ADCY2: variants seen among roughly 807,000 people sequenced by gnomAD.
The protein encoded by ADCY2 is adenylate cyclase type 2.
A neutral mutation model predicts 125.2 loss-of-function variants in ADCY2; 31 were observed. The ratio of observed to expected loss-of-function variants is 0.25; its 90% confidence interval spans 0.19 to 0.33. The LOEUF (loss-of-function observed/expected upper bound fraction) is 0.33. Ranked by LOEUF, ADCY2 falls within the 10% of genes least tolerant of loss-of-function variation. The pLI is 1.00. For missense variants in ADCY2, 904 were observed against 1,418.2 expected, an observed-to-expected ratio of 0.64 and a Z score of 5.82; for synonymous variants, 512 against 548.4, an observed-to-expected ratio of 0.93 and a Z score of 0.93.
chr5:7,470,448 G>A (rs1007211060), intron 2 of ADCY2, among the ~76,000 whole-genome samples: 1 of 150,258 alleles, frequency 6.7e-6, no homozygotes, highest in African/African-American at 2.4e-5. Context: ...TGTAGTGAAA[G>A]CACAAAGTAT....
At chr5:7,638,121 C>A (rs2914294) in intron 4 of ADCY2, among the ~76,000 whole-genome samples, 148,551 of 152,296 alleles carry the variant, frequency 0.98, 72,524 homozygotes, top group Non-Finnish European at 1. Context: ...GACTGAGCAG[C>A]TTCAAGGTGA....
chr5:7,746,768 TC>T (rs1281649276), intron 15 of ADCY2, among the ~76,000 whole-genome samples: 1 of 152,232 alleles, frequency 6.6e-6, no homozygotes, highest in Non-Finnish European at 1.5e-5. Flanking sequence ...ATACCAGCTT[TC>T]AGTTCTCCGT....
intron 1 of ADCY2, among the ~76,000 whole-genome samples, chr5:7,400,604 G>T (rs775250255): frequency 6.6e-6 from 1 of 152,194 alleles, no homozygotes; most frequent in Non-Finnish European, 1.5e-5. Context: ...GTTGAAGGAT[G>T]GGAGGGCAGA....
chr5:7,539,370 A>G (rs554717061), intron 3 of ADCY2, among the ~76,000 whole-genome samples: 1 of 151,184 alleles, frequency 6.6e-6, no homozygotes, highest in East Asian at 2.0e-4. Flanking sequence ...AAAAAAAAAT[A>G]AAACCTCATG....
At chr5:7,497,559 A>G (rs980486974) in intron 2 of ADCY2, among the ~76,000 whole-genome samples, 2 of 152,170 alleles carry the variant, frequency 1.3e-5, no homozygotes, top group East Asian at 1.9e-4. Flanking sequence ...AATTGCATCA[A>G]TAAGGAGAGC....
intron 3 of ADCY2, among the ~76,000 whole-genome samples, chr5:7,534,029 C>T (rs1031817402): frequency 6.6e-6 from 1 of 152,146 alleles, no homozygotes; most frequent in African/African-American, 2.4e-5. Context: ...TTGATAATGT[C>T]ATTTTCTCTG....
intron 4 of ADCY2, among the ~76,000 whole-genome samples, chr5:7,650,735 A>G (rs1739059945): frequency 6.6e-6 from 1 of 152,226 alleles, no homozygotes; most frequent in African/African-American, 2.4e-5. Context: ...AAAAATTTCA[A>G]TTCTTTTGAG....
intron 3 of ADCY2, among the ~76,000 whole-genome samples, chr5:7,558,301 C>T (rs1735600698): frequency 6.6e-6 from 1 of 152,080 alleles, no homozygotes; most frequent in South Asian, 2.1e-4. Context: ...AGTCCACCTG[C>T]CTCATTCTCC....
intron 4 of ADCY2, among the ~76,000 whole-genome samples, chr5:7,626,976 C>T (rs1404748863): frequency 2.6e-5 from 4 of 152,212 alleles, no homozygotes. Context: ...GATACGCCAA[C>T]CATCATCAAC....
intron 4 of ADCY2, among the ~76,000 whole-genome samples, chr5:7,674,017 A>C (rs1740029206): frequency 6.6e-6 from 1 of 152,054 alleles, no homozygotes; most frequent in South Asian, 2.1e-4. Flanking sequence ...GGAGGAGGAA[A>C]GGCTGTTCCC....
rs570599538 is a variant in ADCY2 at position 7,816,537 on chromosome 5, G to C, written c.2884-329G>C. Among the ~76,000 whole-genome samples, 496 of 152,352 alleles carry C rather than the reference G, an allele frequency of 3.3e-3. 1 individual carries two copies. The highest frequency in any genetic ancestry group is 5.4e-3 in the Non-Finnish European group (369 of 68,038). Reference sequence around the variant, plus strand: ...TGGAGGGGAAAGGAGGGAAGAAGGCGCCAGCCCCTCCTCAAAGCCAGCTTC... The same window carrying C: ...TGGAGGGGAAAGGAGGGAAGAAGGCCCCAGCCCCTCCTCAAAGCCAGCTTC... On this transcript the variant is annotated intron_variant, in intron 22 of 24. Transcript: ENST00000338316.
intron 4 of ADCY2, among the ~76,000 whole-genome samples, chr5:7,675,932 T>C (rs1740112464): frequency 1.3e-5 from 2 of 152,240 alleles, no homozygotes; most frequent in Non-Finnish European, 2.9e-5. Context: ...GTGTATAGTT[T>C]TCCCGATAAA....
At chr5:7,781,900 T>C (rs1349138251) in intron 18 of ADCY2, among the ~76,000 whole-genome samples, 5 of 152,038 alleles carry the variant, frequency 3.3e-5, no homozygotes, top group Admixed American at 6.6e-5. Context: ...ACTGAAACCA[T>C]AGGGGCCCTA....
intron 12 of ADCY2, among the ~76,000 whole-genome samples, chr5:7,724,114 CAAAA>C (rs1272949604): frequency 3.9e-5 from 3 of 76,560 alleles, no homozygotes; most frequent in African/African-American, 1.1e-4. Context: ...TAGAAGCTAA[CAAAA>C]AAAAAAAAAA....
chr5:7,566,621 A>G (rs557811955), intron 3 of ADCY2, among the ~76,000 whole-genome samples: 44 of 152,242 alleles, frequency 2.9e-4, no homozygotes, highest in Admixed American at 7.2e-4. Context: ...CACTTTGTAG[A>G]TGTCAACTTC....
chr5:7,538,178 C>T lies in ADCY2; in HGVS notation c.570+17279C>T, dbSNP rs575241716. On this transcript the variant is annotated intron_variant, in intron 3 of 24. Coordinates refer to ENST00000338316, the MANE Select transcript of ADCY2 (RefSeq NM_020546.3). ...CATAATATAAAATATTTTTTGTTGACTCTCCCAGAATAAAAATACATGTTT... is the reference window on the plus strand; with the variant it reads ...CATAATATAAAATATTTTTTGTTGATTCTCCCAGAATAAAAATACATGTTT... Among the ~76,000 whole-genome samples the T allele has an allele frequency of 5.3e-5, 8 of 152,258 alleles. No homozygotes were observed. In the South Asian group the frequency reaches 1.7e-3, roughly 32 times the overall value.
At chr5:7,809,039 A>G (rs921957991) in intron 22 of ADCY2, among the ~76,000 whole-genome samples, 8 of 151,304 alleles carry the variant, frequency 5.3e-5, no homozygotes, top group Admixed American at 1.3e-4. Context: ...CGCCCTTTGC[A>G]TGAGGCTGTT....
chr5:7,689,596 T>C (rs1343737382), intron 4 of ADCY2, among the ~76,000 whole-genome samples: 5 of 151,950 alleles, frequency 3.3e-5, no homozygotes, highest in Non-Finnish European at 5.9e-5. Context: ...TCAGCAGAAG[T>C]TTCCAACAGC....
rs181540226 is a variant in ADCY2, at chr5:7,635,643, T to A, written c.720+9327T>A. Among the ~76,000 whole-genome samples the A allele has an allele frequency of 3.9e-4, 60 of 152,176 alleles. No homozygotes were observed. In the East Asian group the frequency reaches 7.2e-3, roughly 18 times the overall value. On this transcript the variant is annotated intron_variant, in intron 4 of 24. Transcript: ENST00000338316. ...GGAGTTAAAGATGTGAACTTGAAAG[T>A]CATCAGCATATAGTTCCTATTTCAA...
Sources: allele counts gnomAD v4.1 joint callset (sites outside exome capture counted in the v4.1 genomes callset), GRCh38; gene constraint gnomAD v4.1.1; transcripts MANE v1.5; gene names NCBI Gene and HGNC (gene_info 2026-07-23, HGNC 2026-07-21).